The following COG2 variants were observed in gnomAD, a reference collection of about 807,000 sequenced individuals.
COG2 encodes the protein conserved oligomeric Golgi complex subunit 2.
Under a neutral mutation model 90.6 loss-of-function variants are expected in COG2, and 52 were observed. That is an observed-to-expected ratio of 0.57 (90% CI 0.46 to 0.72). The LOEUF (loss-of-function observed/expected upper bound fraction) is 0.72, where lower values mean the gene tolerates loss of function less well. Ranked by LOEUF, COG2 falls within the 30% of genes least tolerant of loss-of-function variation. The pLI, the probability that COG2 is intolerant of heterozygous loss-of-function variation, is 0.00. For missense variants in COG2, 829 were observed against 891.2 expected, an observed-to-expected ratio of 0.93 and a Z score of 0.89; for synonymous variants, 337 against 320.4, an observed-to-expected ratio of 1.05 and a Z score of -0.55.
At position 230,693,638 on chromosome 1, in the gene COG2, C is replaced by A; in HGVS notation, c.*245C>A. 1 of 338,326 alleles carries A rather than the reference C, an allele frequency of 3.0e-6. No individual in the cohort carries two copies. 21.0% of individuals were successfully genotyped at this position (338,326 alleles called of 1,614,324 possible). On this transcript the variant is annotated 3_prime_UTR_variant, in exon 18 of 18. Coordinates refer to ENST00000366669, the MANE Select transcript of COG2 (RefSeq NM_007357.3). ...TTTTTAAGACATTTGAAACTTTCTA[C>A]TATAGTTTACAGAACAAATTATTTT...
Position 230,646,309 on chromosome 1 carries a change from G to A in COG2, c.72+3631G>A, listed in dbSNP as rs368516171. ...CACCAAAGTTAACTAGATGGAAGTC[G>A]ATCCACCAGACCTTCTCTGCTTCCT... On this transcript the variant is annotated intron_variant, in intron 1 of 17. Coordinates refer to ENST00000366669, the MANE Select transcript of COG2 (RefSeq NM_007357.3). Among the ~76,000 whole-genome samples, 61 of 152,172 alleles carry A rather than the reference G, an allele frequency of 4.0e-4. No homozygotes were observed. In the South Asian group the frequency reaches 0.012, roughly 30 times the overall value.
At chr1:230,663,051 T>C in intron 3 of COG2, 90 bp from the exon 4 acceptor site, 1 of 918,020 alleles carries the variant, frequency 1.1e-6, no homozygotes, top group South Asian at 1.8e-5. Context: ...GGCCTGTAGG[T>C]GTTAAGTCCT....
At chr1:230,652,145 A>G (rs1474610375) in intron 1 of COG2, among the ~76,000 whole-genome samples, 1 of 152,164 alleles carries the variant, frequency 6.6e-6, no homozygotes, top group African/African-American at 2.4e-5. Flanking sequence ...TCACTGCTTT[A>G]CAAATCCCTT....
At chr1:230,659,762 A>G (rs1370218955) in intron 2 of COG2, 137 bp downstream of exon 2, 3 of 766,336 alleles carry the variant, frequency 3.9e-6, no homozygotes, top group Non-Finnish European at 5.7e-6. Flanking sequence ...CCCTAATGTC[A>G]TCAATAAAAT....
intron 8 of COG2, among the ~76,000 whole-genome samples, chr1:230,674,677 T>C (rs1477999019): frequency 6.6e-6 from 1 of 152,188 alleles, no homozygotes; most frequent in Non-Finnish European, 1.5e-5. Context: ...ACTTTTTGTT[T>C]CCAAGATAGG....
At chr1:230,688,307 T>C (rs1296383044) in intron 14 of COG2, 113 bp from the exon 15 acceptor site, 1 of 1,371,232 alleles carries the variant, frequency 7.3e-7, no homozygotes, top group African/African-American at 1.5e-5. Flanking sequence ...TTTATTTAAT[T>C]CATTTGATCT....
chr1:230,674,533 A>C (rs936328748), intron 8 of COG2, among the ~76,000 whole-genome samples: 1 of 152,254 alleles, frequency 6.6e-6, no homozygotes, highest in Non-Finnish European at 1.5e-5. Context: ...TTTAGAACTG[A>C]AAGTAATCTT....
Position 230,675,104 on chromosome 1 carries a change from A to T in COG2, c.1006A>T (p.Asn336Tyr). ...EKLPSLFNPGNPDAFHEKYTI... is the reference protein window; with the variant it reads ...EKLPSLFNPGYPDAFHEKYTI... ...GTTACCCTCGCTTTTTAATCCTGGG[A>T]ATCCCGATGCATTTCATGAGGTATC... is the stretch of plus-strand genomic sequence containing the variant. Residue 336 changes from asparagine to tyrosine, a missense_variant, in exon 9 of 18, where the codon AAT (asparagine) becomes TAT (tyrosine). Asn to Tyr is a moderately radical substitution (Grantham distance 143). Coordinates refer to ENST00000366669, the MANE Select transcript of COG2 (RefSeq NM_007357.3). The T allele has an allele frequency of 6.2e-7, 1 of 1,612,166 alleles. No individual in the cohort carries two copies. The highest frequency in any genetic ancestry group is 8.5e-7 in the Non-Finnish European group (1 of 1,179,124).
intron 1 of COG2, among the ~76,000 whole-genome samples, chr1:230,657,333 T>C (rs1023055640): frequency 6.6e-6 from 1 of 152,228 alleles, no homozygotes; most frequent in East Asian, 1.9e-4. Context: ...GAAGCTTAGT[T>C]TGGCTGGATA....
chr1:230,665,459 A>G (rs931792004), intron 5 of COG2, among the ~76,000 whole-genome samples: 2 of 152,222 alleles, frequency 1.3e-5, no homozygotes, highest in Admixed American at 1.3e-4. Flanking sequence ...CAAATGGAAT[A>G]TACCTGCAGT....
At position 230,683,363 on chromosome 1, in the gene COG2, G is replaced by A. The variant is rs77774847; in HGVS notation, c.1167-211G>A. On this transcript the variant is annotated intron_variant, in intron 10 of 17. Transcript: ENST00000366669. ...TGATTCAGACCAGCTGCAAATAACA[G>A]AGAACCCTTATATAACAGTGGCTTA... The A allele has an allele frequency of 1.5e-4, 74 of 480,378 alleles. 2 individuals are homozygous for A. The highest frequency in any genetic ancestry group is 1.5e-3 in the African/African-American group (70 of 48,110). The allele number at this position is 480,378 out of a possible 1,614,324, so 29.8% of individuals were successfully genotyped here.
rs753457732 is a variant in COG2, at chr1:230,663,210, A to C, written c.370A>C (p.Arg124=). 1.2e-4 allele frequency: 189 copies of C among 1,610,432 alleles called. No individual in the cohort carries two copies. Among genetic ancestry groups the C allele is most frequent in the Non-Finnish European group, 1.5e-4 (179 of 1,178,128 alleles). The part of the protein sequence containing the change: ...DERMSKQEDI[R]KKKMCVLRLI... ...ACGAATGTCTAAACAAGAGGACATT[A>C]GGAAAAAAAAGGTATACTCAAATAT... Residue 124 remains arginine, a synonymous_variant, in exon 4 of 18, where the codon AGG becomes CGG. Transcript: ENST00000366669.
chr1:230,681,854 G>A (rs1464136173), intron 10 of COG2: 4 of 152,244 alleles, frequency 2.6e-5, no homozygotes, highest in Non-Finnish European at 5.9e-5. Flanking sequence ...CCTAGGCCAA[G>A]TGACTCAGGC....
At chr1:230,647,364 T>C (rs1661813076) in intron 1 of COG2, among the ~76,000 whole-genome samples, 1 of 152,146 alleles carries the variant, frequency 6.6e-6, no homozygotes, top group African/African-American at 2.4e-5. Context: ...ATTCTAAGTG[T>C]GTAAATAGGG....
At chr1:230,653,486 G>A (rs968986817) in intron 1 of COG2, among the ~76,000 whole-genome samples, 2 of 41,466 alleles carry the variant, frequency 4.8e-5, no homozygotes, top group African/African-American at 1.1e-4. Context: ...CTCTCAAAGC[G>A]CTGGCATTAC....
At position 230,687,016 on chromosome 1, in the gene COG2, A is replaced by G; in HGVS notation, c.1462A>G (p.Thr488Ala). The G allele has an allele frequency of 6.2e-7, 1 of 1,610,398 alleles. No individual in the cohort carries two copies. Among genetic ancestry groups the G allele is most frequent in the South Asian group, 1.1e-5 (1 of 90,250 alleles). ...AACTGGTAGCAAAGAACCTTCCATC[A>G]CCCAAGGAAACACTGAAGACCAAGG... ...LVTGSKEPSI[T>A]QGNTEDQGSG... The change falls in exon 13 of 18, where the codon ACC (threonine) becomes GCC (alanine). Residue 488 changes from threonine (T) to alanine (A), a missense_variant. By Grantham distance (58) the Thr-to-Ala change is moderately conservative. Coordinates refer to ENST00000366669, the MANE Select transcript of COG2 (RefSeq NM_007357.3).
chr1:230,668,262 G>A (rs1217842399), intron 5 of COG2, among the ~76,000 whole-genome samples: 1 of 152,020 alleles, frequency 6.6e-6, no homozygotes, highest in Non-Finnish European at 1.5e-5. Context: ...GGGAGAAGGG[G>A]AAAGGGGAGA....
intron 9 of COG2, among the ~76,000 whole-genome samples, chr1:230,675,499 A>G (rs1255938337): frequency 6.6e-6 from 1 of 152,164 alleles, no homozygotes; most frequent in Non-Finnish European, 1.5e-5. Flanking sequence ...ATGAAAACAG[A>G]AAGTATTCAC....
At chr1:230,671,350 T>C (rs1662443802) in intron 7 of COG2, 166 bp from the exon 8 acceptor site, 2 of 551,692 alleles carry the variant, frequency 3.6e-6, no homozygotes, top group East Asian at 6.9e-5. Context: ...GAAGTAGTTT[T>C]GAATGTGACC....
Sources: gnomAD v4.1 joint callset for allele counts (sites outside exome capture counted in the v4.1 genomes callset) on GRCh38, gnomAD v4.1.1 for gene constraint, MANE v1.5 for transcripts, NCBI Gene and HGNC (gene_info 2026-07-23, HGNC 2026-07-21) for gene names.